FOXO3: variants seen among roughly 807,000 people sequenced by gnomAD.
FOXO3 encodes the protein forkhead box O3.
In FOXO3, 4 loss-of-function variants were observed where a neutral mutation model predicts 41.9. The ratio of observed to expected loss-of-function variants is 0.10; its 90% CI spans 0.05 to 0.22. FOXO3 has a LOEUF of 0.22. FOXO3 is among the 10% of genes least tolerant of loss of function. The pLI is 1.00. For synonymous variants in FOXO3, 318 were observed against 389.3 expected, an observed-to-expected ratio of 0.82 and a Z score of 2.16; for missense variants, 534 against 906.8, an observed-to-expected ratio of 0.59 and a Z score of 5.28.
intron 1 of FOXO3, among the ~76,000 whole-genome samples, chr6:108,631,898 T>C (rs1777985918): frequency 6.6e-6 from 1 of 152,212 alleles, no homozygotes; most frequent in Non-Finnish European, 1.5e-5. Context: ...CATTCCCTGC[T>C]CCACCCCTCC....
intron 1 of FOXO3, among the ~76,000 whole-genome samples, chr6:108,587,600 C>T (rs1172598963): frequency 1.3e-5 from 2 of 152,230 alleles, no homozygotes; most frequent in Non-Finnish European, 2.9e-5. Context: ...AGCCCCGGCT[C>T]AGTGTTGGCC....
At chr6:108,656,510 G>T (rs753948252) in intron 1 of FOXO3, 50 of 985,186 alleles carry the variant, frequency 5.1e-5, no homozygotes, top group Non-Finnish European at 5.8e-5. Flanking sequence ...GGAACCTTTT[G>T]GCTTAAAGTA....
chr6:108,591,663 C>G (rs1246437643), intron 1 of FOXO3, among the ~76,000 whole-genome samples: 1 of 152,148 alleles, frequency 6.6e-6, no homozygotes, highest in Non-Finnish European at 1.5e-5. Flanking sequence ...TGGCTGTAAA[C>G]AAAACATCTC....
intron 2 of FOXO3, among the ~76,000 whole-genome samples, chr6:108,671,379 T>TA (rs1270793883): frequency 6.6e-6 from 1 of 152,176 alleles, no homozygotes; most frequent in Non-Finnish European, 1.5e-5. Flanking sequence ...AGCTGTGGAT[T>TA]AAAAAAGCCT....
intron 1 of FOXO3, among the ~76,000 whole-genome samples, chr6:108,656,915 G>GGT (rs1778704167): frequency 6.6e-6 from 1 of 152,200 alleles, no homozygotes; most frequent in Non-Finnish European, 1.5e-5. Flanking sequence ...GATTCTGCTA[G>GGT]GTGCAGTCAT....
intron 2 of FOXO3, among the ~76,000 whole-genome samples, chr6:108,670,683 A>G (rs747264937): frequency 7.2e-5 from 11 of 152,224 alleles, no homozygotes; most frequent in Non-Finnish European, 1.5e-4. Context: ...TCAAGAAACC[A>G]TAGCACCAGT....
intron 1 of FOXO3, among the ~76,000 whole-genome samples, chr6:108,575,543 T>C (rs1776239841): frequency 6.6e-6 from 1 of 152,206 alleles, no homozygotes; most frequent in African/African-American, 2.4e-5. Flanking sequence ...TTAAAAGCGT[T>C]GCGATGGGTC....
intron 1 of FOXO3, among the ~76,000 whole-genome samples, chr6:108,597,643 G>C (rs1422029829): frequency 6.6e-6 from 1 of 152,116 alleles, no homozygotes; most frequent in African/African-American, 2.4e-5. Context: ...AGAGTCCATG[G>C]GGTTAGGTAC....
upstream of FOXO3, chr6:108,560,764 G>A (rs935378744): frequency 5.9e-5 from 16 of 273,172 alleles, no homozygotes; most frequent in Non-Finnish European, 1.3e-5. Context: ...CGCTTTAAAG[G>A]CGCGGCCGCC....
rs780842793 is a variant in FOXO3, at chr6:108,572,866, C to T, written c.621+11037C>T. 6.7e-4 allele frequency among the ~76,000 whole-genome samples: 102 copies of T among 152,066 alleles called. 2 individuals are homozygous for T. Among genetic ancestry groups the T allele is most frequent in the Non-Finnish European group, 1.0e-4 (7 of 68,006 alleles). ...TCAGTTTAAAGACAAGGAAATGGTT[C>T]AGGAAGGTGAAAGTAACTTGCTTGG... On this transcript the variant is annotated intron_variant, in intron 1 of 2. Coordinates refer to ENST00000406360, the MANE Select transcript of FOXO3 (RefSeq NM_001455.4).
chr6:108,561,501 C>T lies in FOXO3; in HGVS notation c.293C>T (p.Ala98Val), dbSNP rs752987992. Reference protein sequence around the residue: ...LGSGLLLEDSARVLAPGGQDP... With the variant: ...LGSGLLLEDSVRVLAPGGQDP... ...TCCGGGCTGCTCCTTGAGGACTCGG[C>T]CCGGGTGCTGGCACCCGGAGGGCAA... The change falls in exon 1 of 3, where the codon GCC (alanine) becomes GTC (valine). Residue 98 changes from alanine to valine, a missense_variant. Ala to Val is a moderately conservative substitution (Grantham distance 64). Coordinates refer to ENST00000406360, the MANE Select transcript of FOXO3 (RefSeq NM_001455.4). 321 of 1,460,720 alleles carry T rather than the reference C, an allele frequency of 2.2e-4. No homozygotes were observed. Among genetic ancestry groups the T allele is most frequent in the Non-Finnish European group, 2.7e-5 (30 of 1,112,954 alleles). 90.5% of individuals were successfully genotyped at this position (1,460,720 alleles called of 1,614,324 possible).
chr6:108,638,738 T>TAAAA (rs1778179367), intron 1 of FOXO3, among the ~76,000 whole-genome samples: 2 of 152,220 alleles, frequency 1.3e-5, no homozygotes, highest in Non-Finnish European at 2.9e-5. Context: ...GTTTGTTTTC[T>TAAAA]GTTCGTATTG....
At chr6:108,608,222 A>G (rs1315290521) in intron 1 of FOXO3, among the ~76,000 whole-genome samples, 1 of 152,228 alleles carries the variant, frequency 6.6e-6, no homozygotes, top group South Asian at 2.1e-4. Flanking sequence ...TATACTCAGA[A>G]TCATCTTTAG....
chr6:108,614,065 GT>G (rs1777430991), intron 1 of FOXO3, among the ~76,000 whole-genome samples: 1 of 152,062 alleles, frequency 6.6e-6, no homozygotes, highest in Non-Finnish European at 1.5e-5. Flanking sequence ...TTCTTTTGTG[GT>G]TGGAGAATCT....
intron 1 of FOXO3, among the ~76,000 whole-genome samples, chr6:108,647,719 A>C (rs1778431386): frequency 6.6e-6 from 1 of 152,216 alleles, no homozygotes; most frequent in South Asian, 2.1e-4. Flanking sequence ...GAAATAGGTT[A>C]TCCAAGAGGA....
intron 1 of FOXO3, among the ~76,000 whole-genome samples, chr6:108,597,267 A>G (rs1411704223): frequency 6.6e-6 from 1 of 152,188 alleles, no homozygotes; most frequent in Non-Finnish European, 1.5e-5. Flanking sequence ...AGCCATTAGA[A>G]ACAGTGTCAC....
intron 1 of FOXO3, among the ~76,000 whole-genome samples, chr6:108,620,093 A>G (rs941956450): frequency 9.8e-5 from 15 of 152,338 alleles, no homozygotes; most frequent in Admixed American, 2.0e-4. Context: ...GGCCAAGAGC[A>G]TGGTGCCTTC....
At position 108,663,570 on chromosome 6, in the gene FOXO3, C is replaced by T. The variant is rs556515036; in HGVS notation, c.737C>T (p.Ala246Val). The T allele has an allele frequency of 6.8e-6, 11 of 1,613,604 alleles. No individual in the cohort carries two copies. In the African/African-American group the frequency reaches 1.3e-4, roughly 20 times the overall value. Residue 246 changes from alanine (A) to valine (V), a missense_variant, in exon 2 of 3, where the codon GCC becomes GTC. By Grantham distance (64) the Ala-to-Val change is moderately conservative (BLOSUM62 0). Coordinates refer to ENST00000406360, the MANE Select transcript of FOXO3 (RefSeq NM_001455.4). ...INPDGGKSGK[A>V]PRRRAVSMDN... is the part of the protein sequence containing the mutation. ...CCTGATGGGGGGAAGAGCGGAAAAG[C>T]CCCCCGGCGGCGGGCTGTCTCCATG...
At chr6:108,659,955 A>G (rs553162015) in intron 1 of FOXO3, among the ~76,000 whole-genome samples, 2 of 152,300 alleles carry the variant, frequency 1.3e-5, no homozygotes, top group Admixed American at 6.5e-5. Context: ...GCTAAAGTAC[A>G]TTTTAAAATA....
Sources: allele counts gnomAD v4.1 joint callset (sites outside exome capture counted in the v4.1 genomes callset), GRCh38; gene constraint gnomAD v4.1.1; transcripts MANE v1.5; gene names NCBI Gene and HGNC (gene_info 2026-07-23, HGNC 2026-07-21).